NF2: variants seen among roughly 807,000 people sequenced by gnomAD.
The protein encoded by NF2 is merlin.
NF2 carries 8 observed loss-of-function variants against 83.7 expected under a neutral mutation model. The observed-to-expected ratio is 0.10, with a 90% CI of 0.06 to 0.17. The LOEUF (loss-of-function observed/expected upper bound fraction) is 0.17. Ranked by LOEUF, NF2 falls within the 10% of genes least tolerant of loss-of-function variation. The probability of loss-of-function intolerance (pLI) is 1.00; values close to 1 mark genes in which losing one functional copy is unlikely to be tolerated. For synonymous variants in NF2, 266 were observed against 269.6 expected (o/e 0.99, Z 0.13); for missense variants, 533 against 744.4 (o/e 0.72, Z 3.31).
At chr22:29,678,588 G>T (rs2067037683) in intron 14 of NF2, among the ~76,000 whole-genome samples, 1 of 152,272 alleles carries the variant, frequency 6.6e-6, no homozygotes, top group Non-Finnish European at 1.5e-5. Context: ...GGAGTTTTTG[G>T]TGGCTCTAAG....
chr22:29,605,274 C>T (rs575106775), intron 1 of NF2, among the ~76,000 whole-genome samples: 1 of 152,104 alleles, frequency 6.6e-6, no homozygotes, highest in Non-Finnish European at 1.5e-5. Context: ...AAGTGATTCT[C>T]CTGCTTCAGC....
intron 15 of NF2, among the ~76,000 whole-genome samples, chr22:29,690,075 AG>A (rs962792971): frequency 1.2e-4 from 18 of 152,342 alleles, no homozygotes; most frequent in Middle Eastern, 3.4e-3. Flanking sequence ...TGCTGCTGGC[AG>A]GGCAGCAGGA....
At chr22:29,613,899 C>T (rs1392566594) in intron 1 of NF2, among the ~76,000 whole-genome samples, 1 of 151,340 alleles carries the variant, frequency 6.6e-6, no homozygotes, top group East Asian at 2.0e-4. Flanking sequence ...ACCTGGACTA[C>T]AGGCGCCTGT....
In NF2 at chr22:29,642,197, T is replaced by C. The variant is rs1330676517; in HGVS notation, c.364-5T>C. The C allele has an allele frequency of 1.1e-5, 17 of 1,613,236 alleles. No homozygotes were observed. Among genetic ancestry groups the C allele is most frequent in the Non-Finnish European group, 1.4e-5 (16 of 1,179,296 alleles). On this transcript the variant is annotated splice_region_variant and splice_polypyrimidine_tract_variant and intron_variant, in intron 3 of 15. Coordinates refer to ENST00000338641, the MANE Select transcript of NF2 (RefSeq NM_000268.4). ...GTATCATGTCTCCCTTGTTGCTCCT[T>C]TCAGGTAAAGAAGCAGATTTTAGAT...
intron 9 of NF2, among the ~76,000 whole-genome samples, chr22:29,666,719 G>A (rs1209098760): frequency 6.6e-6 from 1 of 152,154 alleles, no homozygotes; most frequent in African/African-American, 2.4e-5. Flanking sequence ...CTCAACTCCT[G>A]TAATCCCAGC....
intron 4 of NF2, among the ~76,000 whole-genome samples, chr22:29,647,138 C>A (rs2066005813): frequency 6.6e-6 from 1 of 151,814 alleles, no homozygotes; most frequent in Non-Finnish European, 1.5e-5. Flanking sequence ...GTATATTGAC[C>A]ATTTGGTGTT....
rs2067509799 is a variant in NF2 at position 29,695,029 on chromosome 22, CTTTGT to C, written c.*231_*235del. 11 of 610,462 alleles carry C rather than the reference CTTTGT, an allele frequency of 1.8e-5. No homozygotes were observed. The East Asian group carries it at 2.2e-4, about 12-fold the overall frequency. 37.8% of individuals were successfully genotyped at this position (610,462 alleles called of 1,614,324 possible). On this transcript the variant is annotated 3_prime_UTR_variant, in exon 16 of 16. Coordinates refer to ENST00000338641, the MANE Select transcript of NF2 (RefSeq NM_000268.4). The surrounding 1 kb of genome is among the most constrained non-coding windows in gnomAD (Gnocchi z 5.4). Reference sequence around the variant, plus strand: ...GGCGTTCTAGTTCTCTGACCTGAGTCTTTGTTTTAAGAAGTATTTGTCTTCCTTTG... The same window carrying C: ...GGCGTTCTAGTTCTCTGACCTGAGTCTTTAAGAAGTATTTGTCTTCCTTTG...
At chr22:29,658,371 G>T (rs2066377883) in intron 7 of NF2, 107 bp downstream of exon 7, 1 of 981,992 alleles carries the variant, frequency 1.0e-6, no homozygotes, top group East Asian at 2.5e-5. Flanking sequence ...ACTCTTTTAT[G>T]GTTCTGTGGT....
intron 1 of NF2, among the ~76,000 whole-genome samples, chr22:29,620,859 T>C (rs1175605513): frequency 6.6e-6 from 1 of 152,160 alleles, no homozygotes; most frequent in African/African-American, 2.4e-5. Flanking sequence ...CACACGCAGC[T>C]CTGATTTACT....
intron 7 of NF2, 125 bp from the exon 8 acceptor site, chr22:29,661,080 T>G: frequency 7.3e-7 from 1 of 1,370,524 alleles, no homozygotes; most frequent in Non-Finnish European, 1.0e-6. Context: ...AAGACAGCTG[T>G]GACTTCTGTT....
intron 6 of NF2, among the ~76,000 whole-genome samples, chr22:29,656,853 C>A: frequency 9.5e-6 from 1 of 104,998 alleles, no homozygotes; most frequent in Admixed American, 1.4e-4. Context: ...TGTCCCACCC[C>A]CCACCCCCAG....
At chr22:29,641,144 G>C (rs2065799269) in intron 3 of NF2, among the ~76,000 whole-genome samples, 1 of 151,618 alleles carries the variant, frequency 6.6e-6, no homozygotes, top group South Asian at 2.1e-4. Context: ...AAAAGAAAAG[G>C]GATGTTCTTG....
chr22:29,639,883 A>G (rs1043051770), intron 3 of NF2, among the ~76,000 whole-genome samples: 2 of 106,098 alleles, frequency 1.9e-5, no homozygotes, highest in Non-Finnish European at 3.8e-5. Flanking sequence ...TTCCGTCTCA[A>G]AAAAAAAAAA....
intron 6 of NF2, among the ~76,000 whole-genome samples, chr22:29,656,622 C>T (rs539033494): frequency 1.0e-3 from 156 of 151,846 alleles, no homozygotes; most frequent in Admixed American, 2.5e-3. Context: ...CTGTGTTAGC[C>T]GGGATGGTCT....
intron 3 of NF2, among the ~76,000 whole-genome samples, chr22:29,641,846 T>A (rs1210575152): frequency 1.3e-5 from 2 of 152,184 alleles, no homozygotes; most frequent in Non-Finnish European, 2.9e-5. Flanking sequence ...CCATGCATAT[T>A]CAAAGGGGCT....
chr22:29,627,604 G>A (rs1299953036), intron 1 of NF2, among the ~76,000 whole-genome samples: 1 of 152,142 alleles, frequency 6.6e-6, no homozygotes, highest in Non-Finnish European at 1.5e-5. Context: ...GTGTGGTTGA[G>A]GCAGAGAATC....
chr22:29,680,598 A>G (rs1601663845), intron 14 of NF2, among the ~76,000 whole-genome samples: 1 of 152,196 alleles, frequency 6.6e-6, no homozygotes, highest in East Asian at 1.9e-4. Context: ...TGGTTTCCAG[A>G]TTTTCACCAT....
At chr22:29,643,922 G>A (rs1490595090) in intron 4 of NF2, among the ~76,000 whole-genome samples, 3 of 149,240 alleles carry the variant, frequency 2.0e-5, no homozygotes, top group African/African-American at 7.4e-5. Flanking sequence ...GCGGGGGGCT[G>A]ACCCCCCAAC....
rs2857640 is a variant in NF2, at chr22:29,660,956, G to A, written c.676-249G>A. On this transcript the variant is annotated intron_variant, in intron 7 of 15. Transcript: ENST00000338641. ...TTATGTTACTCTTCCTTTAGCCATC[G>A]AGCCAGTGACAGAAGCCCTCAGTGA... 0.37 allele frequency among the ~76,000 whole-genome samples: 56,770 copies of A among 152,112 alleles called. 11,304 individuals are homozygous for A. The highest frequency in any genetic ancestry group is 0.47 in the Non-Finnish European group (31,956 of 67,980).
Sources: gnomAD v4.1 joint callset for allele counts (sites outside exome capture counted in the v4.1 genomes callset) on GRCh38, gnomAD v4.1.1 for gene constraint, Gnocchi (gnomAD v3.1) non-coding constraint, MANE v1.5 for transcripts, NCBI Gene and HGNC (gene_info 2026-07-23, HGNC 2026-07-21) for gene names.